The following LRP1B variants were observed in gnomAD, a reference collection of about 807,000 sequenced individuals.
LRP1B encodes the protein LDL receptor related protein 1B, also known as low-density lipoprotein receptor-related protein 1B.
LRP1B carries 217 observed loss-of-function variants against 556.6 expected under a neutral mutation model. The observed-to-expected ratio is 0.39, with a 90% CI of 0.35 to 0.44. LRP1B has a LOEUF of 0.44. LRP1B is among the 20% of genes least tolerant of loss of function. The pLI is 1.00. For missense variants in LRP1B, 5,053 were observed against 5,620.8 expected, an observed-to-expected ratio of 0.90 and a Z score of 3.23; for synonymous variants, 2,047 against 1,865.8, an observed-to-expected ratio of 1.10 and a Z score of -2.50.
intron 41 of LRP1B, among the ~76,000 whole-genome samples, chr2:140,611,528 C>A (rs865991527): frequency 3.9e-4 from 59 of 151,904 alleles, no homozygotes; most frequent in African/African-American, 1.4e-3. Flanking sequence ...AAAGGCTATT[C>A]CAGATGGTAG....
chr2:140,859,022 G>T (rs530493194), intron 27 of LRP1B, among the ~76,000 whole-genome samples: 30 of 152,142 alleles, frequency 2.0e-4, no homozygotes, highest in Admixed American at 1.6e-3. Flanking sequence ...GTTTCACCAT[G>T]TTGCCCAGGC....
chr2:140,616,624 G>A (rs1574147528), intron 41 of LRP1B, among the ~76,000 whole-genome samples: 2 of 151,396 alleles, frequency 1.3e-5, no homozygotes, highest in Admixed American at 1.3e-4. Context: ...ATAATTTAAT[G>A]TGGCTCCAAA....
In LRP1B at chr2:142,013,695, T is replaced by C. The variant is rs139286115; in HGVS notation, c.82+116953A>G. Reference sequence around the variant, plus strand: ...GTGAATGGAACTATTTCAGAAATTATTTTTCATGTAAATATATTATTGTAC... The same window carrying C: ...GTGAATGGAACTATTTCAGAAATTACTTTTCATGTAAATATATTATTGTAC... On this transcript the variant is annotated intron_variant, in intron 1 of 90. Coordinates refer to ENST00000389484, the MANE Select transcript of LRP1B (RefSeq NM_018557.3). 1.5e-3 allele frequency among the ~76,000 whole-genome samples: 233 copies of C among 152,236 alleles called. 1 individual carries two copies. Among genetic ancestry groups the C allele is most frequent in the African/African-American group, 5.4e-3 (223 of 41,552 alleles).
chr2:141,810,601 G>C (rs556967719), intron 1 of LRP1B, among the ~76,000 whole-genome samples, 200 bp from the exon 2 acceptor site: 34 of 152,096 alleles, frequency 2.2e-4, no homozygotes, highest in African/African-American at 6.5e-4. Flanking sequence ...TAATACACTT[G>C]ACTTTGTTAT....
intron 1 of LRP1B, among the ~76,000 whole-genome samples, chr2:141,810,887 C>T (rs746883547): frequency 1.3e-5 from 2 of 151,936 alleles, no homozygotes; most frequent in East Asian, 1.9e-4. Context: ...TGGGGCTTCA[C>T]GTCTCTACGT....
At chr2:140,570,155 TTAG>T (rs1681270633) in intron 43 of LRP1B, among the ~76,000 whole-genome samples, 1 of 151,120 alleles carries the variant, frequency 6.6e-6, no homozygotes, top group African/African-American at 2.4e-5. Context: ...AAACTCAACA[TTAG>T]TAGAAGGATA....
chr2:141,193,173 G>A (rs1466319641), intron 6 of LRP1B, among the ~76,000 whole-genome samples: 2 of 151,936 alleles, frequency 1.3e-5, no homozygotes, highest in African/African-American at 4.8e-5. Flanking sequence ...AAGCAGTATG[G>A]CAATTCCTCA....
chr2:141,081,020 A>T (rs1473023470), intron 7 of LRP1B, among the ~76,000 whole-genome samples: 1 of 152,008 alleles, frequency 6.6e-6, no homozygotes, highest in Admixed American at 6.6e-5. Context: ...TTTTGTAGTG[A>T]TGGGGTTTTG....
At chr2:140,838,850 G>C (rs991933517) in intron 31 of LRP1B, among the ~76,000 whole-genome samples, 1 of 152,098 alleles carries the variant, frequency 6.6e-6, no homozygotes, top group East Asian at 1.9e-4. Flanking sequence ...AGTGATTAAG[G>C]TTCGAAACAG....
chr2:140,241,717 A>T (rs1171618798), intron 87 of LRP1B, among the ~76,000 whole-genome samples: 2 of 150,878 alleles, frequency 1.3e-5, no homozygotes, highest in Non-Finnish European at 1.5e-5. Flanking sequence ...AAGTTTTTTT[A>T]AAATTTTATA....
chr2:141,875,112 C>A (rs1019262760), intron 1 of LRP1B, among the ~76,000 whole-genome samples: 1 of 151,402 alleles, frequency 6.6e-6, no homozygotes, highest in Non-Finnish European at 1.5e-5. Flanking sequence ...ATATTATACA[C>A]AGTGTAATGT....
At chr2:141,625,428 TA>T (rs1688671955) in intron 2 of LRP1B, among the ~76,000 whole-genome samples, 2 of 152,202 alleles carry the variant, frequency 1.3e-5, no homozygotes, top group South Asian at 4.1e-4. Flanking sequence ...AAAAACATAC[TA>T]AGGATATTAT....
chr2:141,176,291 C>T (rs980063694), intron 7 of LRP1B, among the ~76,000 whole-genome samples: 1 of 151,978 alleles, frequency 6.6e-6, no homozygotes, highest in African/African-American at 2.4e-5. Context: ...TTGACTGTGT[C>T]CCCACCCAAA....
chr2:141,285,327 T>C (rs964080656), intron 3 of LRP1B, among the ~76,000 whole-genome samples: 2 of 151,824 alleles, frequency 1.3e-5, no homozygotes, highest in Non-Finnish European at 2.9e-5. Context: ...GACCTCGTTT[T>C]CCACCCGCCT....
chr2:140,651,088 T>A (rs376250523), intron 41 of LRP1B, among the ~76,000 whole-genome samples: 2 of 152,180 alleles, frequency 1.3e-5, no homozygotes, highest in East Asian at 3.9e-4. Context: ...AATTCTCTTT[T>A]CTTCCGAATG....
intron 3 of LRP1B, among the ~76,000 whole-genome samples, chr2:141,448,730 C>G (rs1428734005): frequency 6.6e-6 from 1 of 152,206 alleles, no homozygotes; most frequent in African/African-American, 2.4e-5. Context: ...GCTAAACCCA[C>G]TGTCTAACCA....
At chr2:140,651,025 CAGTT>C (rs1243563218) in intron 41 of LRP1B, among the ~76,000 whole-genome samples, 1 of 152,026 alleles carries the variant, frequency 6.6e-6, no homozygotes, top group African/African-American at 2.4e-5. Context: ...AGCTAGTCAT[CAGTT>C]AGTCATCCTT....
intron 66 of LRP1B, among the ~76,000 whole-genome samples, chr2:140,391,959 G>A (rs1036585842): frequency 1.3e-5 from 2 of 152,146 alleles, no homozygotes; most frequent in Admixed American, 1.3e-4. Flanking sequence ...CACCATGGCT[G>A]GAGTGAGACT....
chr2:140,916,952 T>C (rs962612901), intron 21 of LRP1B, among the ~76,000 whole-genome samples: 1 of 152,222 alleles, frequency 6.6e-6, no homozygotes, highest in Non-Finnish European at 1.5e-5. Flanking sequence ...CAGTGCATTA[T>C]AATGACTTCC....
Sources: allele counts gnomAD v4.1 joint callset (sites outside exome capture counted in the v4.1 genomes callset), GRCh38; gene constraint gnomAD v4.1.1; transcripts MANE v1.5; gene names NCBI Gene and HGNC (gene_info 2026-07-23, HGNC 2026-07-21).